Variants in SLC30A10 observed in about 807,000 individuals in gnomAD.
SLC30A10 encodes calcium/manganese antiporter SLC30A10.
In SLC30A10, 8 loss-of-function variants were observed where a neutral mutation model predicts 21.7. That is an observed-to-expected ratio of 0.37 (90% CI 0.22 to 0.67). The LOEUF is 0.67. SLC30A10 is among the 30% of genes least tolerant of loss of function. The pLI is 0.58. For missense variants in SLC30A10, 521 were observed against 642.5 expected, an observed-to-expected ratio of 0.81 and a Z score of 2.04; for synonymous variants, 272 against 279.4, an observed-to-expected ratio of 0.97 and a Z score of 0.26.
At chr1:219,938,876 G>GAGTCAGGC (rs1660080639) in intron 1 of SLC30A10, among the ~76,000 whole-genome samples, 1 of 152,318 alleles carries the variant, frequency 6.6e-6, no homozygotes, top group East Asian at 1.9e-4. Flanking sequence ...CAGTAAGAGT[G>GAGTCAGGC]AGTCAGGCAG....
chr1:219,949,799 G>T (rs114859324), intron 1 of SLC30A10, among the ~76,000 whole-genome samples: 1 of 151,618 alleles, frequency 6.6e-6, no homozygotes, highest in Non-Finnish European at 1.5e-5. Flanking sequence ...AAGAAAAATT[G>T]GTGTATTTCA....
At chr1:219,927,001 T>G (rs761990979) in intron 2 of SLC30A10, 27 bp downstream of exon 2, 1 of 1,562,440 alleles carries the variant, frequency 6.4e-7, no homozygotes, top group Non-Finnish European at 8.8e-7. Context: ...AGAAAGGGAT[T>G]TCAAATAGGC....
At chr1:219,925,025 G>T (rs1417973817) in intron 2 of SLC30A10, among the ~76,000 whole-genome samples, 5 of 152,160 alleles carry the variant, frequency 3.3e-5, no homozygotes, top group African/African-American at 4.8e-5. Context: ...AGGTGCACTG[G>T]TGTCAGTCCC....
chr1:219,922,174 GTGTTTTTTTTT>G (rs1659705385), intron 2 of SLC30A10, among the ~76,000 whole-genome samples: 1 of 18,218 alleles, frequency 5.5e-5, no homozygotes, highest in Non-Finnish European at 1.1e-4. Flanking sequence ...GTGTGTGTGT[GTGTTTTTTTTT>G]TTTTTTTTTT....
At chr1:219,940,064 G>A (rs1165711069) in intron 1 of SLC30A10, among the ~76,000 whole-genome samples, 1 of 152,120 alleles carries the variant, frequency 6.6e-6, no homozygotes, top group African/African-American at 2.4e-5. Context: ...TTCAAAGGCC[G>A]ACTCTATGTG....
At position 219,915,537 on chromosome 1, in the gene SLC30A10, A is replaced by C; in HGVS notation, c.1370T>G (p.Val457Gly). ...GTCACTCAGACAGCTATCCAAAGACACTTCAATAGCCACTTCTCTTGCGTC... is the reference window on the plus strand; with the variant it reads ...GTCACTCAGACAGCTATCCAAAGACCCTTCAATAGCCACTTCTCTTGCGTC... ...RRDAREVAIE[V>G]SLDSCLSDHG... The change falls in exon 4 of 4, where the codon GTG becomes GGG. Residue 457 changes from valine (V) to glycine (G), a missense_variant. Coordinates refer to ENST00000366926, the MANE Select transcript of SLC30A10 (RefSeq NM_018713.3). 6.2e-7 allele frequency: 1 copy of C among 1,614,218 alleles called. No individual in the cohort carries two copies. The highest frequency in any genetic ancestry group is 8.5e-7 in the Non-Finnish European group (1 of 1,180,036).
intron 2 of SLC30A10, among the ~76,000 whole-genome samples, chr1:219,923,718 T>C (rs1343541068): frequency 2.0e-5 from 3 of 152,232 alleles, no homozygotes; most frequent in African/African-American, 4.8e-5. Context: ...TTTAAGAGGA[T>C]TGTGTTTTTA....
chr1:219,928,297 C>A lies in SLC30A10; in HGVS notation c.144G>T (p.Leu48=). ...LSDSFNMLSD[L]ISLCVGLSAG... ...CGCTCAGGCCCACGCACAGCGAGAT[C>A]AGGTCGGAGAGCATGTTGAAGGAGT... The change falls in exon 1 of 4, where the codon CTG becomes CTT. Residue 48 remains leucine, a synonymous_variant. Transcript: ENST00000366926. This position sits in a 1 kb window ranked among gnomAD's most constrained non-coding sequence, Gnocchi z 6.3. 6.2e-7 allele frequency: 1 copy of A among 1,608,108 alleles called. No homozygotes were observed. Among genetic ancestry groups the A allele is most frequent in the Non-Finnish European group, 8.5e-7 (1 of 1,178,074 alleles).
upstream of SLC30A10, among the ~76,000 whole-genome samples, chr1:219,928,909 G>A (rs112373680): frequency 6.1e-3 from 933 of 152,336 alleles, 3 homozygotes; most frequent in Middle Eastern, 0.058. This position sits in a 1 kb window ranked among gnomAD's most constrained non-coding sequence, Gnocchi z 6.3. Flanking sequence ...TCAGTCATAA[G>A]GGCCTTGGCT....
rs1223233914 is a variant in SLC30A10 at position 219,928,541 on chromosome 1, TACCCGCCTCCCAGA to T, written c.-115_-102del. ...CGCGGCGCGGATCCGTGAGGCCCGG[TACCCGCCTCCCAGA>T]TTGTCTCGCCGGCCCTGCCCCACCG... is the stretch of plus-strand genomic sequence containing the variant. On this transcript the variant is annotated 5_prime_UTR_variant, in exon 1 of 4. Transcript: ENST00000366926. The surrounding 1 kb of genome is among the most constrained non-coding windows in gnomAD (Gnocchi z 6.3). The T allele has an allele frequency of 9.0e-7, 1 of 1,112,872 alleles. No homozygotes were observed. Among genetic ancestry groups the T allele is most frequent in the Non-Finnish European group, 1.2e-6 (1 of 839,598 alleles). 68.9% of individuals were successfully genotyped at this position (1,112,872 alleles called of 1,614,324 possible).
chr1:219,932,063 CTTTT>C (rs1271562244), upstream of SLC30A10, among the ~76,000 whole-genome samples: 1 of 138,634 alleles, frequency 7.2e-6, no homozygotes. Flanking sequence ...ACTCAATCAT[CTTTT>C]TTTTTTTTTT....
intron 1 of SLC30A10, among the ~76,000 whole-genome samples, chr1:219,935,474 A>C (rs1660033019): frequency 2.0e-5 from 3 of 152,378 alleles, no homozygotes; most frequent in Admixed American, 1.3e-4. Flanking sequence ...TTGAATATGT[A>C]GTGGGACAAC....
upstream of SLC30A10, among the ~76,000 whole-genome samples, chr1:219,928,877 G>A (rs112674862): frequency 9.3e-3 from 1,410 of 152,340 alleles, 8 homozygotes; most frequent in Middle Eastern, 0.061. The surrounding 1 kb of genome is among the most constrained non-coding windows in gnomAD (Gnocchi z 6.3). Context: ...CTGGCCCTCA[G>A]GGTCGCCAGT....
intron 2 of SLC30A10, among the ~76,000 whole-genome samples, chr1:219,922,156 G>GTT (rs1659699829): frequency 9.4e-5 from 2 of 21,274 alleles, no homozygotes; most frequent in South Asian, 5.4e-3. Context: ...TTACCTTCTT[G>GTT]TTTGTGTGTG....
chr1:219,936,285 A>G (rs1660043569), intron 1 of SLC30A10, among the ~76,000 whole-genome samples: 1 of 152,244 alleles, frequency 6.6e-6, no homozygotes, highest in South Asian at 2.1e-4. Context: ...ATGAAGGTAC[A>G]AATATATAGA....
intron 1 of SLC30A10, among the ~76,000 whole-genome samples, 146 bp downstream of exon 1, chr1:219,927,638 TAAAAAAAAAAAAAAAAA>T (rs77015523): frequency 3.7e-5 from 2 of 53,404 alleles, no homozygotes; most frequent in East Asian, 7.1e-4. Context: ...ATGGATTTAT[TAAAAAAAAAAAAAAAAA>T]AAAAAAAAAA....
In SLC30A10 at chr1:219,957,748, A is replaced by T. The variant is rs554314788; in HGVS notation, n.80+820T>A. Among the ~76,000 whole-genome samples the T allele has an allele frequency of 2.6e-5, 4 of 152,274 alleles. No homozygotes were observed. In the South Asian group the frequency reaches 8.3e-4, roughly 32 times the overall value. ...CACTAAAAATTTCTCTTCTGTAAGA[A>T]CTTTCTGATACATATATACTTACAA... On this transcript the variant is annotated intron_variant and non_coding_transcript_variant, in intron 1 of 8. Transcript: ENST00000484239.
chr1:219,926,411 G>T (rs530189092), intron 2 of SLC30A10, among the ~76,000 whole-genome samples: 1 of 152,156 alleles, frequency 6.6e-6, no homozygotes, highest in Non-Finnish European at 1.5e-5. Context: ...AGAGATGTTG[G>T]CTACAATGGT....
At chr1:219,950,083 G>A (rs12732043) in intron 1 of SLC30A10, among the ~76,000 whole-genome samples, 1 of 152,148 alleles carries the variant, frequency 6.6e-6, no homozygotes, top group African/African-American at 2.4e-5. Flanking sequence ...ACAGAAGAGA[G>A]GTGCAGTAAT....
Sources: allele counts gnomAD v4.1 joint callset (sites outside exome capture counted in the v4.1 genomes callset), GRCh38; gene constraint gnomAD v4.1.1; non-coding constraint Gnocchi (gnomAD v3.1); transcripts MANE v1.5; gene names NCBI Gene and HGNC (gene_info 2026-07-23, HGNC 2026-07-21).